TMEM131: variants seen among roughly 807,000 people sequenced by gnomAD.
TMEM131 encodes the protein transmembrane protein 131.
TMEM131 carries 66 observed loss-of-function variants against 211.6 expected under a neutral mutation model. The observed-to-expected ratio is 0.31, with a 90% CI of 0.26 to 0.38. The LOEUF (loss-of-function observed/expected upper bound fraction) is 0.38. TMEM131 is among the 10% of genes least tolerant of loss of function. The pLI is 1.00. For missense variants in TMEM131, 2,036 were observed against 2,299.3 expected, an observed-to-expected ratio of 0.89 and a Z score of 2.34; for synonymous variants, 844 against 841.3, an observed-to-expected ratio of 1.00 and a Z score of -0.06.
At chr2:97,888,445 T>C (rs897044501) in intron 3 of TMEM131, among the ~76,000 whole-genome samples, 6 of 152,224 alleles carry the variant, frequency 3.9e-5, no homozygotes, top group East Asian at 1.9e-4. Flanking sequence ...TTCTGATACA[T>C]GTATGATGAA....
intron 31 of TMEM131, among the ~76,000 whole-genome samples, chr2:97,784,357 A>G (rs1680152741): frequency 6.6e-6 from 1 of 152,158 alleles, no homozygotes. Context: ...AAGAAGTGAA[A>G]TCATTTAACA....
At chr2:97,940,621 A>G (rs1024908983) in intron 1 of TMEM131, among the ~76,000 whole-genome samples, 1 of 152,052 alleles carries the variant, frequency 6.6e-6, no homozygotes, top group Non-Finnish European at 1.5e-5. Context: ...ATCCTGGCTA[A>G]CGTGGTGAAA....
chr2:97,864,188 C>T (rs1279614321), intron 4 of TMEM131, among the ~76,000 whole-genome samples: 2 of 152,068 alleles, frequency 1.3e-5, no homozygotes, highest in Non-Finnish European at 2.9e-5. Context: ...CAATTGAACT[C>T]ATGGAGATAG....
Position 97,792,869 on chromosome 2 carries a change from G to A in TMEM131, c.3661C>T (p.His1221Tyr), listed in dbSNP as rs1189529063. Residue 1221 changes from histidine (H) to tyrosine (Y), a missense_variant, in exon 31 of 41, where the codon CAC becomes TAC. This residue lies in a region of TMEM131 where 1,623 missense variants were observed against 1,805.9 expected (regional missense o/e 0.90). Transcript: ENST00000186436. The part of the protein sequence containing the change: ...HKQCGPSVHP[H>Y]SSHSNRNSAD... ...GAGTTTCTATTGCTGTGACTGCTGT[G>A]TGGGTGGACCGATGGGCCACACTGC... 1 of 1,613,630 alleles carries A rather than the reference G, an allele frequency of 6.2e-7. No individual in the cohort carries two copies. The highest frequency in any genetic ancestry group is 8.5e-7 in the Non-Finnish European group (1 of 1,179,878).
At chr2:97,920,230 G>A (rs150079098) in intron 2 of TMEM131, among the ~76,000 whole-genome samples, 1 of 151,986 alleles carries the variant, frequency 6.6e-6, no homozygotes, top group Admixed American at 6.6e-5. Context: ...TCAATCTCTT[G>A]CACTCCTAAT....
rs141950899 is a variant in TMEM131 at position 97,882,287 on chromosome 2, A to G, written c.359+5765T>C. ...TAAAAGTAATATTATCTCCTTAGAG[A>G]CAGAAGAGAAAAGTGAGACAGCAGC... On this transcript the variant is annotated intron_variant, in intron 4 of 40. Transcript: ENST00000186436. 1.7e-4 allele frequency among the ~76,000 whole-genome samples: 26 copies of G among 152,318 alleles called. No homozygotes were observed. In the East Asian group the frequency reaches 5.0e-3, roughly 29 times the overall value.
chr2:97,850,342 G>T (rs529844303), intron 5 of TMEM131, among the ~76,000 whole-genome samples: 1 of 152,266 alleles, frequency 6.6e-6, no homozygotes, highest in East Asian at 1.9e-4. Flanking sequence ...GGCACCGCAG[G>T]AAGGGAGAAA....
intron 5 of TMEM131, among the ~76,000 whole-genome samples, chr2:97,848,483 G>A (rs930741140): frequency 2.0e-5 from 3 of 152,172 alleles, no homozygotes; most frequent in African/African-American, 4.8e-5. Context: ...GGCTATGCAC[G>A]TATCTCCTGG....
At chr2:97,900,227 T>C (rs1266595768) in intron 3 of TMEM131, among the ~76,000 whole-genome samples, 1 of 152,162 alleles carries the variant, frequency 6.6e-6, no homozygotes, top group Non-Finnish European at 1.5e-5. Flanking sequence ...ATACTGTTTC[T>C]ACTGAACATA....
chr2:97,792,516 C>T lies in TMEM131; in HGVS notation c.4014G>A (p.Ala1338=), dbSNP rs762695162. 7.3e-5 allele frequency: 118 copies of T among 1,613,364 alleles called. No individual in the cohort carries two copies. In the East Asian group the frequency reaches 2.1e-3, roughly 29 times the overall value. ...HPSHPERASS[A]RHSSEDSDIT... ...TGTCCGAGTCCTCGGAACTGTGCCT[C>T]GCGCTGCTGGCACGTTCTGGGTGGG... is the stretch of plus-strand genomic sequence containing the variant. Residue 1338 remains alanine, a synonymous_variant, in exon 31 of 41, where the codon GCG becomes GCA. Transcript: ENST00000186436.
In TMEM131 at chr2:97,802,413, C is replaced by T. The variant is rs17022568; in HGVS notation, c.2651+15G>A. 34,152 of 1,550,962 alleles carry T rather than the reference C, an allele frequency of 0.022. 503 individuals are homozygous for T. Among genetic ancestry groups the T allele is most frequent in the African/African-American group, 0.055 (4,001 of 72,546 alleles). ...ACTACATAGAAACACTGTGATGATC[C>T]CAAGCAATACTTACCTTGATACTAA... On this transcript the variant is annotated intron_variant, in intron 24 of 40. Coordinates refer to ENST00000186436, the MANE Select transcript of TMEM131 (RefSeq NM_015348.2).
intron 2 of TMEM131, among the ~76,000 whole-genome samples, chr2:97,922,936 C>G (rs1191452269): frequency 1.3e-5 from 2 of 152,148 alleles, no homozygotes; most frequent in Non-Finnish European, 2.9e-5. Flanking sequence ...AAATCGTATA[C>G]TCTTTGCAAG....
At chr2:97,800,435 T>C (rs774030390) in intron 25 of TMEM131, among the ~76,000 whole-genome samples, 15 of 152,142 alleles carry the variant, frequency 9.9e-5, no homozygotes, top group South Asian at 2.1e-4. Flanking sequence ...TTAATACTTA[T>C]GTGAAATTTC....
Position 97,772,218 on chromosome 2 carries a change from G to GGCCAAATC in TMEM131, c.4448+71_4448+78dup, listed in dbSNP as rs1321348259. 16 of 1,547,136 alleles carry GGCCAAATC rather than the reference G, an allele frequency of 1.0e-5. No individual in the cohort carries two copies. In the East Asian group the frequency reaches 3.4e-4, roughly 33 times the overall value. Reference sequence around the variant, plus strand: ...CTAAAAGCCAACCAGCCAGCCAAATGGCCAAATCAAAACAGCACCTGGTTT... The same window carrying GGCCAAATC: ...CTAAAAGCCAACCAGCCAGCCAAATGGCCAAATCGCCAAATCAAAACAGCACCTGGTTT... On this transcript the variant is annotated intron_variant, in intron 33 of 40. Transcript: ENST00000186436.
intron 31 of TMEM131, among the ~76,000 whole-genome samples, chr2:97,778,297 T>C (rs750612911): frequency 5.3e-5 from 8 of 152,226 alleles, no homozygotes; most frequent in Non-Finnish European, 1.0e-4. Context: ...AGGCCTGTAA[T>C]CCCAGCACTT....
chr2:97,877,314 C>T (rs890360497), intron 4 of TMEM131, among the ~76,000 whole-genome samples: 5 of 152,354 alleles, frequency 3.3e-5, no homozygotes, highest in African/African-American at 1.2e-4. Flanking sequence ...CTATCCCCAA[C>T]AAGCTACCAC....
intron 5 of TMEM131, among the ~76,000 whole-genome samples, chr2:97,853,667 T>C (rs1394281402): frequency 6.8e-6 from 1 of 147,146 alleles, no homozygotes; most frequent in South Asian, 2.1e-4. Context: ...ATGTCAACAA[T>C]AGGAGGCTGG....
At chr2:97,790,146 G>T (rs1342123017) in intron 31 of TMEM131, among the ~76,000 whole-genome samples, 2 of 152,200 alleles carry the variant, frequency 1.3e-5, no homozygotes, top group African/African-American at 2.4e-5. Flanking sequence ...ATTTGCAGGG[G>T]TGTGGGGGTA....
At chr2:97,799,259 T>C (rs1242393511) in intron 25 of TMEM131, among the ~76,000 whole-genome samples, 1 of 152,068 alleles carries the variant, frequency 6.6e-6, no homozygotes, top group Non-Finnish European at 1.5e-5. Context: ...TTCAGTGTCA[T>C]TCATTTGTAT....
Sources: gnomAD v4.1 joint callset for allele counts (sites outside exome capture counted in the v4.1 genomes callset) on GRCh38, gnomAD v4.1.1 for gene constraint, gnomAD v4.1.1 regional missense constraint, MANE v1.5 for transcripts, NCBI Gene and HGNC (gene_info 2026-07-23, HGNC 2026-07-21) for gene names.